The following NUP188 variants were observed in gnomAD, a reference collection of about 807,000 sequenced individuals.
NUP188 encodes the protein nucleoporin NUP188.
NUP188 carries 97 observed loss-of-function variants against 223.0 expected under a neutral mutation model. That is an observed-to-expected ratio of 0.43 (90% confidence interval 0.37 to 0.51). The LOEUF (loss-of-function observed/expected upper bound fraction) is 0.51, where lower values mean the gene tolerates loss of function less well. NUP188 is among the 20% of genes least tolerant of loss of function. NUP188 has a pLI of 0.00. For synonymous variants in NUP188, 869 were observed against 828.0 expected (o/e 1.05, Z -0.85); for missense variants, 1,947 against 2,175.6 (o/e 0.89, Z 2.09).
chr9:129,003,084 T>C (rs1354956244), intron 37 of NUP188, 109 bp downstream of exon 37: 37 of 1,276,190 alleles, frequency 2.9e-5, no homozygotes, highest in Non-Finnish European at 3.8e-5. Flanking sequence ...CGGAGGGTTG[T>C]CGATGCCTTC....
rs1398676030 is a variant in NUP188 at position 129,006,118 on chromosome 9, G to A, written c.4938G>A (p.Thr1646=). The A allele has an allele frequency of 1.2e-6, 2 of 1,614,144 alleles. No individual in the cohort carries two copies. Among genetic ancestry groups the A allele is most frequent in the South Asian group, 1.1e-5 (1 of 91,088 alleles). Residue 1646 remains threonine, a synonymous_variant, in exon 42 of 44, where the codon ACG becomes ACA. Coordinates refer to ENST00000372577, the MANE Select transcript of NUP188 (RefSeq NM_015354.3). ...GCACACAGGCAGAAGGGACCAGGAC[G>A]TTAAAGTAAGTGCTCTTTCTGGGAT... is the stretch of plus-strand genomic sequence containing the variant. ...GLSTQAEGTR[T]LKSLLMFTME...
intron 9 of NUP188, among the ~76,000 whole-genome samples, chr9:128,969,167 T>TTG (rs1030422296): frequency 6.6e-6 from 1 of 152,072 alleles, no homozygotes; most frequent in Non-Finnish European, 1.5e-5. Context: ...CCAGTTAATT[T>TTG]TGTGTGTGTG....
At chr9:128,958,676 G>T (rs142582969) in intron 6 of NUP188, 126 bp from the exon 7 acceptor site, 80 of 463,078 alleles carry the variant, frequency 1.7e-4, no homozygotes, top group Non-Finnish European at 2.1e-4. Context: ...TTGCATTTCT[G>T]TGATTCCTTA....
chr9:128,973,048 A>C, intron 11 of NUP188, 112 bp from the exon 12 acceptor site: 1 of 483,718 alleles, frequency 2.1e-6, no homozygotes, highest in Admixed American at 4.1e-5. Flanking sequence ...ATGAAGCTTC[A>C]GATTTCCTTC....
chr9:128,984,941 T>C lies in NUP188; in HGVS notation c.2003T>C (p.Met668Thr), dbSNP rs936689150. The C allele has an allele frequency of 1.4e-5, 22 of 1,613,910 alleles. No individual in the cohort carries two copies. Among genetic ancestry groups the C allele is most frequent in the Admixed American group, 1.2e-4 (7 of 59,966 alleles). ...GCTGGAGGGTACGGAAACCTCTTGA[T>C]GAACAGTGAACAGCCTCAGGGCGAG... is the stretch of plus-strand genomic sequence containing the variant. ...MNAGGYGNLL[M>T]NSEQPQGEYG... Residue 668 changes from methionine (M) to threonine (T), a missense_variant, in exon 20 of 44, where the codon ATG (methionine) becomes ACG (threonine). Around this residue, in one of 3 missense-constraint regions of NUP188, gnomAD observed 817 missense variants for 865.8 expected, o/e 0.94. Transcript: ENST00000372577.
At chr9:128,985,958 G>C (rs1842327495) in intron 20 of NUP188, among the ~76,000 whole-genome samples, 1 of 152,114 alleles carries the variant, frequency 6.6e-6, no homozygotes, top group Admixed American at 6.6e-5. Context: ...AGAATTGCTT[G>C]AACCTGGGAG....
At chr9:128,957,486 A>G (rs1207334095) in intron 5 of NUP188, among the ~76,000 whole-genome samples, 1 of 150,892 alleles carries the variant, frequency 6.6e-6, no homozygotes, top group Non-Finnish European at 1.5e-5. Flanking sequence ...TTTTTTTGAG[A>G]TGGAGTTTCG....
At chr9:128,950,285 G>C (rs549305569) in intron 2 of NUP188, among the ~76,000 whole-genome samples, 1 of 152,124 alleles carries the variant, frequency 6.6e-6, no homozygotes, top group East Asian at 1.9e-4. Flanking sequence ...GCAGTGGCAC[G>C]ATCTTGGCTC....
At chr9:128,984,420 C>G (rs1445745609) in intron 19 of NUP188, among the ~76,000 whole-genome samples, 1 of 152,116 alleles carries the variant, frequency 6.6e-6, no homozygotes, top group Non-Finnish European at 1.5e-5. Context: ...GCCATGGTGC[C>G]CGGCCGAGAG....
intron 37 of NUP188, 86 bp from the exon 38 acceptor site, chr9:129,003,231 C>A: frequency 6.8e-7 from 1 of 1,473,244 alleles, no homozygotes; most frequent in Non-Finnish European, 9.1e-7. Flanking sequence ...GGGCCTGGGA[C>A]GTTGCCTCTC....
At position 128,998,155 on chromosome 9, in the gene NUP188, A is replaced by C. The variant is rs761846096; in HGVS notation, c.3356A>C (p.Asp1119Ala). ...MLLIIATTHA[D>A]IMHLTDSVVR... ...CCTTTTTCTGTTCCTTTGCAGGCAG[A>C]TATAATGCACCTGACTGACTCTGTG... Residue 1119 changes from aspartate to alanine, a missense_variant, in exon 31 of 44, where the codon GAT becomes GCT. Physicochemically the swap from Asp to Ala is moderately radical, Grantham distance 126. Transcript: ENST00000372577. 1.9e-6 allele frequency: 3 copies of C among 1,613,362 alleles called. No individual in the cohort carries two copies. In the Admixed American group the frequency reaches 5.0e-5, roughly 27 times the overall value.
chr9:128,984,941 T>A lies in NUP188; in HGVS notation c.2003T>A (p.Met668Lys), dbSNP rs936689150. Residue 668 changes from methionine (M) to lysine (K), a missense_variant, in exon 20 of 44, where the codon ATG (methionine) becomes AAG (lysine). Met to Lys is a moderately conservative substitution (Grantham distance 95, BLOSUM62 -1). Transcript: ENST00000372577. ...MNAGGYGNLL[M>K]NSEQPQGEYG... ...GCTGGAGGGTACGGAAACCTCTTGA[T>A]GAACAGTGAACAGCCTCAGGGCGAG... The A allele has an allele frequency of 1.9e-6, 3 of 1,614,028 alleles. No homozygotes were observed.
chr9:128,966,230 A>T, intron 8 of NUP188, among the ~76,000 whole-genome samples: 1 of 126,986 alleles, frequency 7.9e-6, no homozygotes, highest in African/African-American at 3.1e-5. Flanking sequence ...CCCTTTTTAA[A>T]TGGATTTCTG....
chr9:128,969,466 TGACAGAAGA>T lies in NUP188; in HGVS notation c.867_875del (p.Asp289_Arg291del), dbSNP rs756517304. 3 of 1,602,096 alleles carry T rather than the reference TGACAGAAGA, an allele frequency of 1.9e-6. No individual in the cohort carries two copies. In the East Asian group the frequency reaches 6.8e-5, roughly 36 times the overall value. On this transcript the variant is annotated inframe_deletion, in exon 10 of 44. Coordinates refer to ENST00000372577, the MANE Select transcript of NUP188 (RefSeq NM_015354.3). Reference sequence around the variant, plus strand: ...AGTCCTTGCATAAGTGTGCTTTGGATGACAGAAGAGAACTGCATCAGTTTGCGCAGGATG... The same window carrying T: ...AGTCCTTGCATAAGTGTGCTTTGGATGAACTGCATCAGTTTGCGCAGGATG...
intron 31 of NUP188, 49 bp from the exon 32 acceptor site, chr9:128,998,489 C>A: frequency 6.7e-7 from 1 of 1,496,524 alleles, no homozygotes; most frequent in Non-Finnish European, 9.3e-7. Flanking sequence ...CTGTGGATGG[C>A]ATGCGAATCT....
At position 128,990,244 on chromosome 9, in the gene NUP188, GCA is replaced by G. The variant is rs201721327; in HGVS notation, c.2640+26_2640+27del. 1.9e-6 allele frequency: 3 copies of G among 1,572,608 alleles called. No homozygotes were observed. In the South Asian group the frequency reaches 3.3e-5, roughly 17 times the overall value. On this transcript the variant is annotated intron_variant, in intron 25 of 43. Transcript: ENST00000372577. ...TGGCCACGGTAGGATCGTACTTCAT[GCA>G]CACACACTGTTTATATGAGGGTGTT... is the stretch of plus-strand genomic sequence containing the variant.
At position 128,947,800 on chromosome 9, in the gene NUP188, A is replaced by G. The variant is rs887086104; in HGVS notation, c.32+49A>G. On this transcript the variant is annotated intron_variant, in intron 1 of 43. Coordinates refer to ENST00000372577, the MANE Select transcript of NUP188 (RefSeq NM_015354.3). ...GGGGTGGCTGTGAAGCGCGGTGTCA[A>G]AGCCGAGCGGAAGCGGGGCGGGAAT... 4 of 1,347,426 alleles carry G rather than the reference A, an allele frequency of 3.0e-6. No individual in the cohort carries two copies. The African/African-American group carries it at 4.6e-5, about 15-fold the overall frequency. The allele number at this position is 1,347,426 out of a possible 1,614,324, so 83.5% of individuals were successfully genotyped here. A position where few individuals can be genotyped will look rare whatever the true frequency, so the allele number is the denominator to read the frequency against.
intron 27 of NUP188, 71 bp from the exon 28 acceptor site, chr9:128,994,302 G>A: frequency 1.0e-6 from 1 of 1,004,924 alleles, no homozygotes; most frequent in Non-Finnish European, 1.6e-6. Flanking sequence ...CCACCAAAGG[G>A]AGCTTGAGAG....
At chr9:128,953,117 T>C (rs1334859877) in intron 3 of NUP188, among the ~76,000 whole-genome samples, 1 of 152,244 alleles carries the variant, frequency 6.6e-6, no homozygotes, top group Admixed American at 6.5e-5. Context: ...AATTTTCTAA[T>C]ATTTATTCAG....
Sources: allele counts gnomAD v4.1 joint callset (sites outside exome capture counted in the v4.1 genomes callset), GRCh38; gene constraint gnomAD v4.1.1; regional missense constraint gnomAD v4.1.1; transcripts MANE v1.5; gene names NCBI Gene and HGNC (gene_info 2026-07-23, HGNC 2026-07-21).